The following NBAS variants were observed in gnomAD, a reference collection of about 807,000 sequenced individuals.
NBAS encodes the protein NBAS subunit of NRZ tethering complex.
Under a neutral mutation model 302.5 loss-of-function variants are expected in NBAS, and 219 were observed. The ratio of observed to expected loss-of-function variants is 0.72; its 90% CI spans 0.65 to 0.81. The LOEUF (loss-of-function observed/expected upper bound fraction) is 0.81. Ranked by LOEUF, NBAS falls within the 30% of genes least tolerant of loss-of-function variation. The probability of loss-of-function intolerance (pLI) is 0.00; values close to 1 mark genes in which losing one functional copy is unlikely to be tolerated. For missense variants in NBAS, 2,932 were observed against 2,841.6 expected (o/e 1.03, Z -0.72); for synonymous variants, 1,118 against 1,021.6 (o/e 1.09, Z -1.80).
At chr2:15,312,451 T>C (rs1671322061) in intron 38 of NBAS, among the ~76,000 whole-genome samples, 1 of 152,074 alleles carries the variant, frequency 6.6e-6, no homozygotes, top group South Asian at 2.1e-4. Flanking sequence ...TGCTTTAAAA[T>C]TTTTTTATAG....
chr2:14,838,597 G>GTCT, the NBAS span, among the ~76,000 whole-genome samples: 27 of 151,834 alleles, frequency 1.8e-4, no homozygotes, highest in African/African-American at 5.3e-4. Context: ...ACATTGTCTT[G>GTCT]TCTGTTGATG....
rs199996971 is a variant in NBAS at position 15,379,691 on chromosome 2, G to C, written c.3501C>G (p.Tyr1167Ter). The change falls in exon 30 of 52, where the codon TAC (tyrosine) becomes TAG (stop). Residue 1167 changes from tyrosine (Y) to a stop codon, truncating the protein, a stop_gained. Transcript: ENST00000281513. LOFTEE classifies it high-confidence loss of function. Reference sequence around the variant, plus strand: ...CCAAAACCAAGTCAATACTCTTTTCGTAGCTGACCCTGTAGTGGGGTTTCC... The same window carrying C: ...CCAAAACCAAGTCAATACTCTTTTCCTAGCTGACCCTGTAGTGGGGTTTCC... ...HKGKPHYRVSYEKSIDLVLAA... is the reference protein window; with the variant it reads ...HKGKPHYRVS 2 of 1,614,010 alleles carry C rather than the reference G, an allele frequency of 1.2e-6. No individual in the cohort carries two copies. The highest frequency in any genetic ancestry group is 1.7e-6 in the Non-Finnish European group (2 of 1,179,988).
the NBAS span, among the ~76,000 whole-genome samples, chr2:14,790,936 A>G: frequency 2.0e-4 from 30 of 151,968 alleles, 1 homozygote; most frequent in African/African-American, 6.3e-4. Flanking sequence ...GCTCACAGCA[A>G]CCTCCACCTC....
At chr2:15,071,771 G>A in the NBAS span, among the ~76,000 whole-genome samples, 1 of 151,988 alleles carries the variant, frequency 6.6e-6, no homozygotes, top group Non-Finnish European at 1.5e-5. Flanking sequence ...TCTCCCGGGT[G>A]GTTAAGGGAC....
At chr2:15,400,056 C>T (rs989462178) in intron 26 of NBAS, among the ~76,000 whole-genome samples, 2 of 151,906 alleles carry the variant, frequency 1.3e-5, no homozygotes, top group Non-Finnish European at 2.9e-5. Context: ...GTATGCTCCA[C>T]CAAAATGAGG....
At chr2:15,378,726 G>C (rs1287015074) in intron 30 of NBAS, among the ~76,000 whole-genome samples, 3 of 152,138 alleles carry the variant, frequency 2.0e-5, no homozygotes, top group Non-Finnish European at 4.4e-5. Context: ...GGTTGCATGA[G>C]TACTCAAAGT....
chr2:15,034,027 G>GAAGAAGGAGA, the NBAS span, among the ~76,000 whole-genome samples: 4 of 63,810 alleles, frequency 6.3e-5, no homozygotes, highest in East Asian at 1.6e-3. Flanking sequence ...AGAAGAAGAA[G>GAAGAAGGAGA]AGGAGGAGGA....
the NBAS span, among the ~76,000 whole-genome samples, chr2:15,085,272 A>AGT: frequency 6.6e-6 from 1 of 152,008 alleles, no homozygotes; most frequent in Admixed American, 6.5e-5. Context: ...GGACCCGACC[A>AGT]GTGGTGCAGC....
the NBAS span, among the ~76,000 whole-genome samples, chr2:15,152,249 C>T: frequency 1.3e-5 from 2 of 152,200 alleles, no homozygotes; most frequent in African/African-American, 4.8e-5. Context: ...ATTGTAAATT[C>T]CATACTGAGA....
At chr2:15,531,631 A>G (rs1663219777) in intron 9 of NBAS, among the ~76,000 whole-genome samples, 1 of 152,208 alleles carries the variant, frequency 6.6e-6, no homozygotes, top group Non-Finnish European at 1.5e-5. Flanking sequence ...AGCACTCACC[A>G]CGCTCTCTTT....
chr2:15,456,471 A>G (rs1170874375), intron 21 of NBAS, among the ~76,000 whole-genome samples: 1 of 152,204 alleles, frequency 6.6e-6, no homozygotes, highest in East Asian at 1.9e-4. Flanking sequence ...CATTCTTTCA[A>G]AAAAATACTT....
At chr2:14,816,221 C>G in the NBAS span, among the ~76,000 whole-genome samples, 366 of 152,318 alleles carry the variant, frequency 2.4e-3, no homozygotes, top group African/African-American at 8.1e-3. Flanking sequence ...AGGAACCGGA[C>G]CACAGAGCAG....
the NBAS span, among the ~76,000 whole-genome samples, chr2:15,043,921 G>A: frequency 6.6e-6 from 1 of 152,110 alleles, no homozygotes; most frequent in Non-Finnish European, 1.5e-5. Flanking sequence ...CTGAAAACTT[G>A]ATGCATTCGG....
rs748435338 is a variant in NBAS, at chr2:15,186,827, G to A, written c.6626C>T (p.Thr2209Met). Residue 2209 changes from threonine to methionine, a missense_variant, in exon 50 of 52, where the codon ACG (threonine) becomes ATG (methionine). Transcript: ENST00000281513. Reference sequence around the variant, plus strand: ...CCCCAATCCTTCCTTGTTCTCCATCGTACATCTGGTTAGCATCACTGTAGC... The same window carrying A: ...CCCCAATCCTTCCTTGTTCTCCATCATACATCTGGTTAGCATCACTGTAGC... ...RLATVMLTRC[T>M]MENKEGLGNE... is the part of the protein sequence containing the mutation. 4.3e-6 allele frequency: 7 copies of A among 1,613,604 alleles called. No homozygotes were observed. The African/African-American group carries it at 5.3e-5, about 12-fold the overall frequency.
rs759837969 is a variant in NBAS, at chr2:15,352,001, T to C, written c.4170A>G (p.Ala1390=). 6.2e-7 allele frequency: 1 copy of C among 1,608,984 alleles called. No individual in the cohort carries two copies. ...CCTCATTTTAACTTACCTCTTGTAC[T>C]GCTTTACTAGTTAATGGTGAAGCAC... The part of the protein sequence containing the change: ...NISASPLTSK[A]VQEDEVGVPG... The change falls in exon 35 of 52, where the codon GCA becomes GCG. Residue 1390 remains alanine, a synonymous_variant. Coordinates refer to ENST00000281513, the MANE Select transcript of NBAS (RefSeq NM_015909.4).
At chr2:15,356,239 C>A in intron 33 of NBAS, 64 bp downstream of exon 33, 1 of 1,356,246 alleles carries the variant, frequency 7.4e-7, no homozygotes, top group Non-Finnish European at 1.1e-6. Context: ...TCAGAACAGA[C>A]CTTTTCCATT....
the NBAS span, among the ~76,000 whole-genome samples, chr2:15,082,099 C>G: frequency 6.6e-6 from 1 of 152,106 alleles, no homozygotes; most frequent in African/African-American, 2.4e-5. Flanking sequence ...AAAATGGTAG[C>G]TATTAATAAG....
chr2:15,341,683 G>T (rs1209136577), intron 35 of NBAS, among the ~76,000 whole-genome samples: 1 of 152,114 alleles, frequency 6.6e-6, no homozygotes, highest in Non-Finnish European at 1.5e-5. Flanking sequence ...TAACAGTGGT[G>T]CTAAAAGAGG....
the NBAS span, among the ~76,000 whole-genome samples, chr2:15,021,869 G>C: frequency 0.012 from 1,891 of 152,262 alleles, 42 homozygotes; most frequent in African/African-American, 0.044. Flanking sequence ...AGGGAAACTG[G>C]GTCTAAGTCT....
Sources: gnomAD v4.1 joint callset for allele counts (sites outside exome capture counted in the v4.1 genomes callset) on GRCh38, gnomAD v4.1.1 for gene constraint, MANE v1.5 for transcripts, NCBI Gene and HGNC (gene_info 2026-07-23, HGNC 2026-07-21) for gene names.